The following LCOR variants were observed in gnomAD, a reference collection of about 807,000 sequenced individuals.
LCOR encodes the protein ligand-dependent corepressor.
Under a neutral mutation model 64.4 loss-of-function variants are expected in LCOR, and 14 were observed. The ratio of observed to expected loss-of-function variants is 0.22; its 90% confidence interval spans 0.14 to 0.34. The LOEUF (loss-of-function observed/expected upper bound fraction) is 0.34, where lower values mean the gene tolerates loss of function less well. Among genes scored for constraint, LCOR ranks in the 10% least tolerant of loss-of-function variants. LCOR has a pLI of 1.00. For synonymous variants in LCOR, 643 were observed against 642.5 expected (o/e 1.00, Z -0.01); for missense variants, 1,686 against 1,765.3 (o/e 0.96, Z 0.80).
intron 2 of LCOR, among the ~76,000 whole-genome samples, chr10:96,852,669 A>G (rs529300626): frequency 3.3e-5 from 5 of 152,226 alleles, no homozygotes; most frequent in Non-Finnish European, 5.9e-5. Context: ...TCAGAAGCCC[A>G]TGGAGATAGA....
Position 96,984,697 on chromosome 10 carries a change from A to G in LCOR, c.4237A>G (p.Lys1413Glu). Residue 1413 changes from lysine (K) to glutamate (E), a missense_variant, in exon 8 of 8, where the codon AAG becomes GAG. This residue lies in a region of LCOR where 1,293 missense variants were observed against 1,410.4 expected (regional missense o/e 0.92). Transcript: ENST00000421806. ...CAGCAGCCCTCCAGATAGTAAGAAC[A>G]AGGGGCCTACGGTGAAAGCCAGCAA... The part of the protein sequence containing the change: ...EGSSPPDSKN[K>E]GPTVKASKEK... 6.2e-7 allele frequency: 1 copy of G among 1,614,130 alleles called. No individual in the cohort carries two copies. The highest frequency in any genetic ancestry group is 8.5e-7 in the Non-Finnish European group (1 of 1,180,036).
chr10:96,872,425 G>T (rs1846087201), intron 2 of LCOR, among the ~76,000 whole-genome samples: 1 of 152,206 alleles, frequency 6.6e-6, no homozygotes, highest in Admixed American at 6.5e-5. Flanking sequence ...GGGTGTGGTG[G>T]CTCACACCTG....
chr10:96,922,748 G>C (rs1174071461), intron 4 of LCOR, among the ~76,000 whole-genome samples: 2 of 152,166 alleles, frequency 1.3e-5, no homozygotes, highest in Non-Finnish European at 2.9e-5. Flanking sequence ...AACAGCAAAT[G>C]CTGATTATAG....
intron 7 of LCOR, chr10:96,954,933 G>A (rs1166066998): frequency 1.2e-6 from 2 of 1,607,442 alleles, no homozygotes; most frequent in African/African-American, 2.7e-5. Context: ...GCTCACATCA[G>A]TTTCCTTCCA....
intron 4 of LCOR, among the ~76,000 whole-genome samples, chr10:96,909,170 C>T (rs1054466451): frequency 3.9e-5 from 6 of 152,058 alleles, no homozygotes; most frequent in Non-Finnish European, 5.9e-5. Context: ...AGGTTAAACT[C>T]CTCCCAACCC....
chr10:96,920,579 T>C (rs182402459), intron 4 of LCOR, among the ~76,000 whole-genome samples: 13 of 142,958 alleles, frequency 9.1e-5, no homozygotes, highest in Admixed American at 7.7e-4. Context: ...TGTATATTCA[T>C]ATATATGTGT....
rs1236999478 is a variant in LCOR at position 96,992,230 on chromosome 10, AATAC to A, written c.*7100_*7103del. ...GAGACTGTGTTAGTAACTGGTTTCAAATACATATATATAATATTTATACACACCA... is the reference window on the plus strand; with the variant it reads ...GAGACTGTGTTAGTAACTGGTTTCAAATATATATAATATTTATACACACCA... On this transcript the variant is annotated 3_prime_UTR_variant, in exon 8 of 8. Transcript: ENST00000421806. The A allele has an allele frequency of 3.3e-5, 5 of 152,344 alleles. No individual in the cohort carries two copies. Among genetic ancestry groups the A allele is most frequent in the Non-Finnish European group, 5.9e-5 (4 of 68,032 alleles). 9.4% of individuals were successfully genotyped at this position (152,344 alleles called of 1,614,324 possible).
intron 4 of LCOR, among the ~76,000 whole-genome samples, chr10:96,925,825 G>C (rs528604407): frequency 6.2e-4 from 95 of 152,312 alleles, no homozygotes; most frequent in Non-Finnish European, 1.1e-3. Context: ...TGCTCTGATA[G>C]ATGGAAAATG....
intron 7 of LCOR, among the ~76,000 whole-genome samples, chr10:96,975,349 G>A (rs1180193547): frequency 6.6e-6 from 1 of 152,006 alleles, no homozygotes; most frequent in Non-Finnish European, 1.5e-5. Context: ...TCATGTGAAG[G>A]CCTCTCAGAT....
intron 2 of LCOR, among the ~76,000 whole-genome samples, chr10:96,851,683 T>C (rs1028858257): frequency 6.6e-6 from 1 of 152,200 alleles, no homozygotes; most frequent in Non-Finnish European, 1.5e-5. Context: ...TCCTCCACAT[T>C]CTTAGAGGAT....
intron 2 of LCOR, among the ~76,000 whole-genome samples, chr10:96,863,819 G>C (rs1489190750): frequency 6.6e-6 from 1 of 152,182 alleles, no homozygotes; most frequent in Non-Finnish European, 1.5e-5. Context: ...GATTTAGTAT[G>C]TTCTACAGAA....
At chr10:96,940,983 C>A (rs1847450365) in intron 4 of LCOR, among the ~76,000 whole-genome samples, 1 of 140,304 alleles carries the variant, frequency 7.1e-6, no homozygotes, top group Non-Finnish European at 1.6e-5. Context: ...GCAGAGGCGC[C>A]CCTCACCTCC....
At chr10:96,913,894 ACTGT>A (rs1337378116) in intron 4 of LCOR, among the ~76,000 whole-genome samples, 2 of 151,114 alleles carry the variant, frequency 1.3e-5, no homozygotes, top group Admixed American at 6.6e-5. Flanking sequence ...ACACACACAG[ACTGT>A]CTGGAAAAAA....
At chr10:96,891,297 G>T (rs2134432596) in intron 2 of LCOR, among the ~76,000 whole-genome samples, 1 of 151,942 alleles carries the variant, frequency 6.6e-6, no homozygotes, top group South Asian at 2.1e-4. Flanking sequence ...GCATACAATA[G>T]TTCATGGTAT....
intron 2 of LCOR, among the ~76,000 whole-genome samples, chr10:96,839,083 A>G (rs566662088): frequency 6.6e-6 from 1 of 152,274 alleles, no homozygotes; most frequent in African/African-American, 2.4e-5. Context: ...GACAAGTTAT[A>G]TTTCATTGTG....
At chr10:96,844,136 C>T (rs1380679068) in intron 2 of LCOR, among the ~76,000 whole-genome samples, 3 of 113,276 alleles carry the variant, frequency 2.6e-5, no homozygotes, top group African/African-American at 9.9e-5. Context: ...TTCCTTCCCT[C>T]CCTCCCTCCC....
In LCOR at chr10:96,981,742, C is replaced by G; in HGVS notation, c.1282C>G (p.Pro428Ala). The change falls in exon 8 of 8, where the codon CCT (proline) becomes GCT (alanine). Residue 428 changes from proline (P) to alanine (A), a missense_variant. Physicochemically the swap from Pro to Ala is conservative, Grantham distance 27 (BLOSUM62 -1). Coordinates refer to ENST00000421806, the MANE Select transcript of LCOR (RefSeq NM_001346516.2). The stretch of plus-strand genomic sequence containing the variant: ...CAAAGATGGTTGGTTAGGCCCCGGC[C>G]CTATGCCAGCTGTACACAAAGCGGC... ...HSKDGWLGPG[P>A]MPAVHKAANG... 12 of 1,614,150 alleles carry G rather than the reference C, an allele frequency of 7.4e-6. No individual in the cohort carries two copies. Among genetic ancestry groups the G allele is most frequent in the Non-Finnish European group, 1.0e-5 (12 of 1,180,036 alleles).
At chr10:96,945,292 G>A (rs1847568382) in intron 5 of LCOR, among the ~76,000 whole-genome samples, 1 of 152,078 alleles carries the variant, frequency 6.6e-6, no homozygotes, top group East Asian at 1.9e-4. Context: ...CTTTACAGTT[G>A]GACACTAGCT....
chr10:96,836,782 ATTTAAACT>A (rs1287677130), intron 2 of LCOR, among the ~76,000 whole-genome samples: 1 of 152,228 alleles, frequency 6.6e-6, no homozygotes, highest in Non-Finnish European at 1.5e-5. Context: ...TGACTTGTCA[ATTTAAACT>A]GCAGTTCATG....
Sources: allele counts gnomAD v4.1 joint callset (sites outside exome capture counted in the v4.1 genomes callset), GRCh38; gene constraint gnomAD v4.1.1; regional missense constraint gnomAD v4.1.1; transcripts MANE v1.5; gene names NCBI Gene and HGNC (gene_info 2026-07-23, HGNC 2026-07-21).